Variants in SLC10A7 observed in about 807,000 individuals in gnomAD.
SLC10A7 encodes solute carrier family 10 member 7.
In SLC10A7, 29 loss-of-function variants were observed where a neutral mutation model predicts 43.2. The observed-to-expected ratio is 0.67, with a 90% CI of 0.50 to 0.92. The LOEUF (loss-of-function observed/expected upper bound fraction) is 0.92. Ranked by LOEUF, SLC10A7 falls within the 40% of genes least tolerant of loss-of-function variation. The pLI, the probability that SLC10A7 is intolerant of heterozygous loss-of-function variation, is 0.00. For synonymous variants in SLC10A7, 152 were observed against 144.8 expected (o/e 1.05, Z -0.35); for missense variants, 295 against 403.2 (o/e 0.73, Z 2.30).
intron 10 of SLC10A7, among the ~76,000 whole-genome samples, chr4:146,270,956 A>C (rs1204677581): frequency 6.6e-6 from 1 of 152,226 alleles, no homozygotes; most frequent in African/African-American, 2.4e-5. Flanking sequence ...TGTTCACTTC[A>C]ACCTTGTGGG....
intron 5 of SLC10A7, among the ~76,000 whole-genome samples, chr4:146,390,400 G>A (rs1048044000): frequency 4.6e-5 from 7 of 152,090 alleles, no homozygotes; most frequent in African/African-American, 7.2e-5. Context: ...AGGCCAAGGC[G>A]GTCAGACTGC....
chr4:146,320,536 G>C (rs1242856850), intron 6 of SLC10A7, among the ~76,000 whole-genome samples: 2 of 151,978 alleles, frequency 1.3e-5, no homozygotes, highest in Non-Finnish European at 2.9e-5. Flanking sequence ...TTGAAAATTG[G>C]ATTATTGAGG....
chr4:146,480,168 T>C (rs1265377165), intron 4 of SLC10A7, among the ~76,000 whole-genome samples: 1 of 152,154 alleles, frequency 6.6e-6, no homozygotes, highest in Non-Finnish European at 1.5e-5. Flanking sequence ...TTGTTATTAA[T>C]ATAACTATTA....
chr4:146,312,020 CTA>C (rs1271250450), intron 6 of SLC10A7, among the ~76,000 whole-genome samples: 2 of 152,038 alleles, frequency 1.3e-5, no homozygotes, highest in East Asian at 1.9e-4. Context: ...GTTAAAAAGA[CTA>C]TGATTTTTAT....
intron 5 of SLC10A7, among the ~76,000 whole-genome samples, chr4:146,367,790 C>T (rs978129127): frequency 6.6e-6 from 1 of 152,142 alleles, no homozygotes; most frequent in Non-Finnish European, 1.5e-5. Flanking sequence ...TCTACCAACC[C>T]TACCTTACCA....
rs1335059745 is a variant in SLC10A7, at chr4:146,390,837, A to T, written c.435+51946T>A. On this transcript the variant is annotated intron_variant, in intron 5 of 11. Transcript: ENST00000335472. ...AAGTACTTCTTGCTTTTAATTCTAA[A>T]ATCAGATTTTCCAGACATACAGAAA... Among the ~76,000 whole-genome samples the T allele has an allele frequency of 1.2e-4, 18 of 152,046 alleles. 1 individual carries two copies. Among genetic ancestry groups the T allele is most frequent in the Admixed American group, 1.2e-3 (18 of 15,262 alleles).
chr4:146,487,349 A>T (rs1682611196), intron 4 of SLC10A7, among the ~76,000 whole-genome samples: 2 of 152,016 alleles, frequency 1.3e-5, no homozygotes, highest in South Asian at 4.1e-4. Flanking sequence ...TTCATTACCA[A>T]CCTCTGTGAA....
chr4:146,453,922 AT>A (rs954266353), intron 4 of SLC10A7, among the ~76,000 whole-genome samples: 10 of 151,834 alleles, frequency 6.6e-5, no homozygotes, highest in African/African-American at 2.4e-4. Context: ...GGCAAAATCA[AT>A]TTTCCTGAGG....
At chr4:146,463,793 G>T (rs1488708427) in intron 4 of SLC10A7, among the ~76,000 whole-genome samples, 4 of 150,372 alleles carry the variant, frequency 2.7e-5, no homozygotes. Context: ...TAGCTAAAAA[G>T]ATTTTCATCA....
chr4:146,498,264 C>T (rs1454908980), intron 4 of SLC10A7, among the ~76,000 whole-genome samples: 7 of 152,184 alleles, frequency 4.6e-5, no homozygotes, highest in East Asian at 1.9e-4. Context: ...ATTACAGGCA[C>T]ATGACACCAA....
intron 3 of SLC10A7, among the ~76,000 whole-genome samples, chr4:146,509,204 C>T (rs1670438775): frequency 6.6e-6 from 1 of 152,132 alleles, no homozygotes; most frequent in South Asian, 2.1e-4. Context: ...CTGAGACTCC[C>T]CAACATGCAA....
rs116057036 is a variant in SLC10A7 at position 146,260,457 on chromosome 4, C to T, written c.848-1620G>A. Reference sequence around the variant, plus strand: ...AAATGACCAGAGCAGGATTTGCTAACCCCAGATTTGAGGACTGAGGCTGCT... The same window carrying T: ...AAATGACCAGAGCAGGATTTGCTAATCCCAGATTTGAGGACTGAGGCTGCT... On this transcript the variant is annotated intron_variant, in intron 10 of 11. Transcript: ENST00000335472. 5.8e-3 allele frequency among the ~76,000 whole-genome samples: 878 copies of T among 152,242 alleles called. 6 individuals carry two copies. Among genetic ancestry groups the T allele is most frequent in the African/African-American group, 0.02 (847 of 41,530 alleles).
intron 4 of SLC10A7, among the ~76,000 whole-genome samples, chr4:146,471,165 C>T (rs1333814239): frequency 2.0e-5 from 3 of 152,058 alleles, no homozygotes; most frequent in African/African-American, 4.8e-5. Context: ...ATCCAAAATC[C>T]AAAATGCACC....
At chr4:146,410,403 G>A (rs1410227162) in intron 5 of SLC10A7, among the ~76,000 whole-genome samples, 3 of 152,154 alleles carry the variant, frequency 2.0e-5, no homozygotes, top group Admixed American at 1.3e-4. Context: ...AAATTAAAAT[G>A]AGAATATAGC....
At chr4:146,372,541 G>A (rs942964107) in intron 5 of SLC10A7, among the ~76,000 whole-genome samples, 2 of 151,436 alleles carry the variant, frequency 1.3e-5, no homozygotes, top group African/African-American at 4.9e-5. Flanking sequence ...TCAGAAGTCA[G>A]GTCAATATGT....
intron 5 of SLC10A7, among the ~76,000 whole-genome samples, chr4:146,438,558 G>A (rs1730371514): frequency 1.3e-5 from 2 of 152,026 alleles, no homozygotes; most frequent in African/African-American, 4.8e-5. Flanking sequence ...TAAAAACCCA[G>A]TTTGGCATGA....
intron 4 of SLC10A7, among the ~76,000 whole-genome samples, chr4:146,492,794 A>C (rs1735574803): frequency 6.6e-6 from 1 of 152,222 alleles, no homozygotes; most frequent in African/African-American, 2.4e-5. Context: ...ACCAAGAAGC[A>C]AACAGTTTAA....
chr4:146,305,222 A>G (rs6854541), intron 7 of SLC10A7, among the ~76,000 whole-genome samples: 104,425 of 148,394 alleles, frequency 0.7, 36,981 homozygotes, highest in African/African-American at 0.76. Flanking sequence ...TGGCACATAT[A>G]CACCATGGAA....
At chr4:146,270,604 G>A (rs1207325549) in intron 10 of SLC10A7, among the ~76,000 whole-genome samples, 8 of 152,128 alleles carry the variant, frequency 5.3e-5, no homozygotes, top group East Asian at 1.9e-4. Flanking sequence ...TCACTAGTAC[G>A]GCACAGCTCC....
Sources: gnomAD v4.1 joint callset for allele counts (sites outside exome capture counted in the v4.1 genomes callset) on GRCh38, gnomAD v4.1.1 for gene constraint, MANE v1.5 for transcripts, NCBI Gene and HGNC (gene_info 2026-07-23, HGNC 2026-07-21) for gene names.